ADAT1: variants seen among roughly 807,000 people sequenced by gnomAD.
ADAT1 encodes the protein tRNA-specific adenosine deaminase 1.
A neutral mutation model predicts 58.6 loss-of-function variants in ADAT1; 58 were observed. The ratio of observed to expected loss-of-function variants is 0.99; its 90% CI spans 0.80 to 1.23. The LOEUF (loss-of-function observed/expected upper bound fraction) is 1.23, where lower values mean the gene tolerates loss of function less well. Among genes scored for constraint, ADAT1 ranks in the 50% most tolerant of loss-of-function variants. The pLI, the probability that ADAT1 is intolerant of heterozygous loss-of-function variation, is 0.00. For synonymous variants in ADAT1, 254 were observed against 220.8 expected, an observed-to-expected ratio of 1.15 and a Z score of -1.33; for missense variants, 741 against 608.6, an observed-to-expected ratio of 1.22 and a Z score of -2.29.
chr16:75,599,726 GC>G lies in ADAT1; in HGVS notation c.*489del, dbSNP rs1231828210. On this transcript the variant is annotated 3_prime_UTR_variant, in exon 10 of 10. Transcript: ENST00000564657. The stretch of plus-strand genomic sequence containing the variant: ...GAGCCAGGGAGTAAGGTTAGCTTCA[GC>G]CAAGTCTGAGGCACAGAGCAGGATC... The G allele has an allele frequency of 5.4e-5, 53 of 988,344 alleles. No homozygotes were observed. The highest frequency in any genetic ancestry group is 6.4e-5 in the Non-Finnish European group (53 of 831,738). 61.2% of individuals were successfully genotyped at this position (988,344 alleles called of 1,614,324 possible). A position where few individuals can be genotyped will look rare whatever the true frequency, so the allele number is the denominator to read the frequency against.
Position 75,621,154 on chromosome 16 carries a change from G to A in ADAT1, c.-21-334C>T, listed in dbSNP as rs1245718453. On this transcript the variant is annotated intron_variant, in intron 1 of 9. Transcript: ENST00000564657. The stretch of plus-strand genomic sequence containing the variant: ...GTCCTCACTACTCCAGTTTTCACTG[G>A]AAACGGCATGTAAAGGGTTGCAGAC... 2.0e-5 allele frequency among the ~76,000 whole-genome samples: 3 copies of A among 152,004 alleles called. No homozygotes were observed. In the East Asian group the frequency reaches 5.8e-4, roughly 30 times the overall value.
intron 5 of ADAT1, 105 bp downstream of exon 5, chr16:75,617,037 C>A (rs1469251332): frequency 2.8e-6 from 4 of 1,406,146 alleles, no homozygotes; most frequent in Admixed American, 4.3e-5. Context: ...CTACCTGTGG[C>A]TACTTCAGCC....
At chr16:75,613,993 C>T (rs1444655345) in intron 5 of ADAT1, among the ~76,000 whole-genome samples, 1 of 152,032 alleles carries the variant, frequency 6.6e-6, no homozygotes. Context: ...AGTTCGAGAC[C>T]AGCCTGGCCA....
At position 75,617,091 on chromosome 16, in the gene ADAT1, C is replaced by G. The variant is rs370780265; in HGVS notation, c.424+51G>C. On this transcript the variant is annotated intron_variant, in intron 5 of 9. Coordinates refer to ENST00000564657, the MANE Select transcript of ADAT1 (RefSeq NM_001324445.2). ...AAAACCTACCTATGGATAACACAAA[C>G]ATAAGGAAGTAGTTCATGTAACATT... 2.4e-5 allele frequency: 38 copies of G among 1,561,746 alleles called. No homozygotes were observed. The African/African-American group carries it at 4.5e-4, about 18-fold the overall frequency.
rs16940732 is a variant in ADAT1, at chr16:75,612,468, T to A, written c.818A>T (p.Lys273Met). The A allele has an allele frequency of 1.6e-3, 2,566 of 1,614,170 alleles. 39 individuals carry two copies. The African/African-American group carries it at 0.03, about 19-fold the overall frequency. The change falls in exon 6 of 10, where the codon AAG becomes ATG. Residue 273 changes from lysine to methionine, a missense_variant. Lys to Met is a moderately conservative substitution (Grantham distance 95). Transcript: ENST00000564657. ...CVPGEAGDSG[K>M]PGAAFHQVGL... The stretch of plus-strand genomic sequence containing the variant: ...CACCTGGTGAAACGCAGCACCCGGC[T>A]TTCCGGAGTCTCCAGCTTCTCCAGG...
At chr16:75,604,482 C>CAA (rs2081318058) in intron 8 of ADAT1, among the ~76,000 whole-genome samples, 1 of 88,894 alleles carries the variant, frequency 1.1e-5, no homozygotes, top group Non-Finnish European at 1.8e-5. Context: ...TATACACACA[C>CAA]ACACACACAC....
At chr16:75,606,965 C>T (rs111349067) in intron 8 of ADAT1, among the ~76,000 whole-genome samples, 2 of 152,096 alleles carry the variant, frequency 1.3e-5, no homozygotes, top group African/African-American at 2.4e-5. Context: ...TGGTGGCTCA[C>T]GCCTGTAATT....
At position 75,612,689 on chromosome 16, in the gene ADAT1, A is replaced by C. The variant is rs201507773; in HGVS notation, c.597T>G (p.Leu199=). ...PDSPVTKKMR[L]EPGTAAREVT... ...CCTCCCTGGCTGCAGTCCCAGGCTC[A>C]AGCCTCATCTTTTTGGTTACAGGAC... The change falls in exon 6 of 10, where the codon CTT becomes CTG. Residue 199 remains leucine, a synonymous_variant. Coordinates refer to ENST00000564657, the MANE Select transcript of ADAT1 (RefSeq NM_001324445.2). 1.6e-4 allele frequency: 251 copies of C among 1,614,020 alleles called. 1 individual carries two copies. The highest frequency in any genetic ancestry group is 2.1e-5 in the Non-Finnish European group (25 of 1,180,016).
In ADAT1 at chr16:75,612,565, C is replaced by A. The variant is rs1435050182; in HGVS notation, c.721G>T (p.Ala241Ser). ...CCAGGGGCTATTCTGGTGACAGTAG[C>A]CAGTCCCTCTACAGTGAGATCACAG... Reference protein sequence around the residue: ...HSCDLTVEGLATVTRIAPGSA... With the variant: ...HSCDLTVEGLSTVTRIAPGSA... Residue 241 changes from alanine (A) to serine (S), a missense_variant, in exon 6 of 10, where the codon GCT (alanine) becomes TCT (serine). Physicochemically the swap from Ala to Ser is moderately conservative, Grantham distance 99. Transcript: ENST00000564657. 1 of 1,614,090 alleles carries A rather than the reference C, an allele frequency of 6.2e-7. No homozygotes were observed. Among genetic ancestry groups the A allele is most frequent in the African/African-American group, 1.3e-5 (1 of 75,024 alleles).
Position 75,600,355 on chromosome 16 carries a change from C to T in ADAT1, c.1377-7G>A. 6.2e-7 allele frequency: 1 copy of T among 1,613,038 alleles called. No homozygotes were observed. Among genetic ancestry groups the T allele is most frequent in the Non-Finnish European group, 8.5e-7 (1 of 1,179,892 alleles). On this transcript the variant is annotated splice_region_variant and splice_polypyrimidine_tract_variant and intron_variant, in intron 9 of 9. Coordinates refer to ENST00000564657, the MANE Select transcript of ADAT1 (RefSeq NM_001324445.2). ...GGTATCCAGCTTCTGCACCCTAATG[C>T]ACACAGGCCACCAAATACACAGGTT...
intron 6 of ADAT1, among the ~76,000 whole-genome samples, chr16:75,611,391 A>C (rs1597115096): frequency 6.6e-6 from 1 of 152,146 alleles, no homozygotes; most frequent in Middle Eastern, 3.4e-3. Flanking sequence ...AAATATTCAT[A>C]AATATTATTA....
chr16:75,612,058 T>TA (rs2081554458), intron 6 of ADAT1, among the ~76,000 whole-genome samples, 185 bp downstream of exon 6: 1 of 151,910 alleles, frequency 6.6e-6, no homozygotes, highest in Admixed American at 6.6e-5. Flanking sequence ...ACTCCGTCTC[T>TA]AAAAAACAAA....
chr16:75,617,182 T>C lies in ADAT1; in HGVS notation c.384A>G (p.Arg128=). The change falls in exon 5 of 10, where the codon AGA becomes AGG. Residue 128 remains arginine (R), a synonymous_variant. Coordinates refer to ENST00000564657, the MANE Select transcript of ADAT1 (RefSeq NM_001324445.2). ...AGAAAAACACAAAAATGAGGTCTCGTCTAAGTTTCCACACTCCTTTTTGAG... is the reference window on the plus strand; with the variant it reads ...AGAAAAACACAAAAATGAGGTCTCGCCTAAGTTTCCACACTCCTTTTTGAG... ...PGTQKGVWKL[R]RDLIFVFFSS... 6.2e-7 allele frequency: 1 copy of C among 1,613,938 alleles called. No homozygotes were observed. The highest frequency in any genetic ancestry group is 8.5e-7 in the Non-Finnish European group (1 of 1,179,840).
intron 8 of ADAT1, among the ~76,000 whole-genome samples, chr16:75,605,534 G>C (rs1268477982): frequency 1.3e-5 from 2 of 152,136 alleles, no homozygotes; most frequent in Non-Finnish European, 2.9e-5. Flanking sequence ...TGTTTTTGCA[G>C]AGCCAAAAGT....
In ADAT1 at chr16:75,599,962, T is replaced by C; in HGVS notation, c.*254A>G. Reference sequence around the variant, plus strand: ...CATCATGTTCCAAACTCTGATTTCATATTTTAGAGAAGCAATAAAACACAA... The same window carrying C: ...CATCATGTTCCAAACTCTGATTTCACATTTTAGAGAAGCAATAAAACACAA... On this transcript the variant is annotated 3_prime_UTR_variant, in exon 10 of 10. Coordinates refer to ENST00000564657, the MANE Select transcript of ADAT1 (RefSeq NM_001324445.2). The C allele has an allele frequency of 1.6e-6, 2 of 1,215,182 alleles. No individual in the cohort carries two copies. Among genetic ancestry groups the C allele is most frequent in the Non-Finnish European group, 2.1e-6 (2 of 972,662 alleles). 75.3% of individuals were successfully genotyped at this position (1,215,182 alleles called of 1,614,324 possible). A position where few individuals can be genotyped will look rare whatever the true frequency, so the allele number is the denominator to read the frequency against.
At position 75,608,998 on chromosome 16, in the gene ADAT1, A is replaced by C. The variant is rs1430605793; in HGVS notation, c.1044-10T>G. ...AGACACATTCTGACACCTAAATACA[A>C]GGGAAAATGCATTCAGTTTAGGTGC... On this transcript the variant is annotated splice_polypyrimidine_tract_variant and intron_variant, in intron 6 of 9. Coordinates refer to ENST00000564657, the MANE Select transcript of ADAT1 (RefSeq NM_001324445.2). 7 of 1,613,774 alleles carry C rather than the reference A, an allele frequency of 4.3e-6. No homozygotes were observed. Among genetic ancestry groups the C allele is most frequent in the Non-Finnish European group, 5.9e-6 (7 of 1,179,954 alleles).
At chr16:75,621,722 G>A (rs1048958247) in intron 1 of ADAT1, among the ~76,000 whole-genome samples, 6 of 152,130 alleles carry the variant, frequency 3.9e-5, no homozygotes, top group African/African-American at 1.4e-4. Flanking sequence ...AATGGGCATA[G>A]AAAGCCATGA....
intron 6 of ADAT1, 65 bp downstream of exon 6, chr16:75,612,178 T>C: frequency 7.1e-6 from 11 of 1,550,170 alleles, no homozygotes; most frequent in Non-Finnish European, 9.7e-6. Context: ...TTAATGCTCT[T>C]AGGCCTTACC....
At position 75,599,810 on chromosome 16, in the gene ADAT1, A is replaced by G. The variant is rs1052525903; in HGVS notation, c.*406T>C. The G allele has an allele frequency of 9.1e-6, 9 of 993,686 alleles. No homozygotes were observed. In the African/African-American group the frequency reaches 1.2e-4, roughly 13 times the overall value. The allele number at this position is 993,686 out of a possible 1,614,324, so 61.6% of individuals were successfully genotyped here. A position where few individuals can be genotyped will look rare whatever the true frequency, so the allele number is the denominator to read the frequency against. Reference sequence around the variant, plus strand: ...GAAAGAAAGGCTGGGAATACAAAATATATATTCGCTATGCTAGGCAAAGCT... The same window carrying G: ...GAAAGAAAGGCTGGGAATACAAAATGTATATTCGCTATGCTAGGCAAAGCT... On this transcript the variant is annotated 3_prime_UTR_variant, in exon 10 of 10. Coordinates refer to ENST00000564657, the MANE Select transcript of ADAT1 (RefSeq NM_001324445.2).
Sources: gnomAD v4.1 joint callset for allele counts (sites outside exome capture counted in the v4.1 genomes callset) on GRCh38, gnomAD v4.1.1 for gene constraint, MANE v1.5 for transcripts, NCBI Gene and HGNC (gene_info 2026-07-23, HGNC 2026-07-21) for gene names.